The following PHF14 variants were observed in gnomAD, a reference collection of about 807,000 sequenced individuals.
PHF14 encodes the protein PHD finger protein 14.
A neutral mutation model predicts 117.9 loss-of-function variants in PHF14; 55 were observed. That is an observed-to-expected ratio of 0.47 (90% CI 0.38 to 0.58). PHF14 has a LOEUF of 0.58. Among genes scored for constraint, PHF14 ranks in the 20% least tolerant of loss-of-function variants. PHF14 has a pLI of 0.00. For synonymous variants in PHF14, 409 were observed against 368.6 expected (o/e 1.11, Z -1.26); for missense variants, 978 against 1,122.2 (o/e 0.87, Z 1.84).
At chr7:11,011,472 A>C (rs1401853433) in intron 4 of PHF14, among the ~76,000 whole-genome samples, 1 of 152,196 alleles carries the variant, frequency 6.6e-6, no homozygotes. Context: ...GGCTTATTTA[A>C]TGTCATCAGT....
intron 17 of PHF14, among the ~76,000 whole-genome samples, chr7:11,158,626 G>C (rs757413479): frequency 7.2e-5 from 11 of 151,898 alleles, no homozygotes; most frequent in Admixed American, 2.0e-4. Flanking sequence ...TTTAAAATCT[G>C]GTGAAGAAAC....
intron 4 of PHF14, among the ~76,000 whole-genome samples, chr7:11,011,015 A>G (rs73678559): frequency 0.02 from 3,098 of 152,316 alleles, 121 homozygotes; most frequent in African/African-American, 0.071. Flanking sequence ...AAGGATAACA[A>G]TTAAACAGTT....
chr7:11,074,121 C>T (rs1427665644), intron 16 of PHF14, among the ~76,000 whole-genome samples: 2 of 152,170 alleles, frequency 1.3e-5, no homozygotes, highest in Admixed American at 6.5e-5. Flanking sequence ...TCATTTGTCT[C>T]TTTTTTAGTC....
intron 17 of PHF14, among the ~76,000 whole-genome samples, chr7:11,165,376 T>C (rs1316679288): frequency 6.6e-6 from 1 of 152,200 alleles, no homozygotes; most frequent in Non-Finnish European, 1.5e-5. Flanking sequence ...GGTGTTAATA[T>C]ATATTATTGG....
chr7:11,108,720 A>T (rs1343911335), intron 16 of PHF14: 1 of 151,742 alleles, frequency 6.6e-6, no homozygotes, highest in Non-Finnish European at 1.5e-5. Flanking sequence ...AGTAGTTGAA[A>T]TCAGCAACAG....
At chr7:11,038,991 GA>G in intron 11 of PHF14, 136 bp downstream of exon 11, 1 of 419,212 alleles carries the variant, frequency 2.4e-6, no homozygotes, top group Non-Finnish European at 4.3e-6. Flanking sequence ...TTGGGATAAT[GA>G]TTTCTGCTTG....
intron 17 of PHF14, among the ~76,000 whole-genome samples, chr7:11,140,756 A>T (rs952656097): frequency 1.3e-5 from 2 of 152,156 alleles, no homozygotes; most frequent in African/African-American, 2.4e-5. Flanking sequence ...ACTATTTATG[A>T]TAAAATAAAG....
chr7:11,053,540 G>T (rs1784915201), intron 14 of PHF14, among the ~76,000 whole-genome samples: 1 of 151,910 alleles, frequency 6.6e-6, no homozygotes. Flanking sequence ...TTATTCTTAA[G>T]ATCTTAGAGA....
At chr7:11,032,641 G>C (rs1020346261) in intron 7 of PHF14, among the ~76,000 whole-genome samples, 2 of 152,132 alleles carry the variant, frequency 1.3e-5, no homozygotes, top group Non-Finnish European at 2.9e-5. Context: ...TTTAGATGGG[G>C]CATTCCAGTT....
intron 16 of PHF14, among the ~76,000 whole-genome samples, chr7:11,067,391 C>T (rs1229906793): frequency 6.6e-6 from 1 of 152,122 alleles, no homozygotes; most frequent in Admixed American, 6.5e-5. Context: ...TGTGCAGCTA[C>T]TAGGGAAAAC....
intron 5 of PHF14, 56 bp from the exon 6 acceptor site, chr7:11,022,812 G>A (rs1783781114): frequency 1.1e-6 from 1 of 950,518 alleles, no homozygotes; most frequent in African/African-American, 1.6e-5. Flanking sequence ...TGTTTGTTTT[G>A]TGTGTGGGAA....
In PHF14 at chr7:11,036,966, C is replaced by T. The variant is rs770518271; in HGVS notation, c.1874-19C>T. 24 of 1,442,220 alleles carry T rather than the reference C, an allele frequency of 1.7e-5. No individual in the cohort carries two copies. The South Asian group carries it at 1.7e-4, about 10-fold the overall frequency. The allele number at this position is 1,442,220 out of a possible 1,614,324, so 89.3% of individuals were successfully genotyped here. ...TTTTACTTCCTACTAAAGTAAAATT[C>T]GATATTTCATTTAAATAGAGAGAAA... On this transcript the variant is annotated intron_variant, in intron 9 of 17. Coordinates refer to ENST00000634607, the MANE Select transcript of PHF14 (RefSeq NM_001007157.2).
chr7:11,035,874 C>A, intron 8 of PHF14, 88 bp downstream of exon 8: 4 of 970,698 alleles, frequency 4.1e-6, no homozygotes, highest in East Asian at 5.0e-5. Context: ...TGACATGTGA[C>A]GTATAATAGG....
intron 4 of PHF14, among the ~76,000 whole-genome samples, chr7:10,999,135 G>A (rs890580506): frequency 4.6e-5 from 7 of 152,138 alleles, no homozygotes; most frequent in Admixed American, 4.6e-4. Flanking sequence ...TCAGCTTCCT[G>A]AGTAGCTGTG....
intron 16 of PHF14, among the ~76,000 whole-genome samples, chr7:11,075,653 T>G (rs1785819754): frequency 7.2e-6 from 1 of 139,586 alleles, no homozygotes; most frequent in Non-Finnish European, 1.5e-5. Flanking sequence ...CAGGCGCACC[T>G]CCAACACTGG....
Position 11,044,592 on chromosome 7 carries a change from T to C in PHF14, c.2312+1778T>C, listed in dbSNP as rs553982424. On this transcript the variant is annotated intron_variant, in intron 13 of 17. Transcript: ENST00000634607. ...GAGTGTGCAAGATTCAGAGAATTGT[T>C]TTTTCTTTAGTGTACCTCAAATGTG... Among the ~76,000 whole-genome samples the C allele has an allele frequency of 3.3e-5, 5 of 152,290 alleles. No individual in the cohort carries two copies. The South Asian group carries it at 6.2e-4, about 19-fold the overall frequency.
chr7:11,158,104 A>C (rs930124516), intron 17 of PHF14, among the ~76,000 whole-genome samples: 1 of 152,134 alleles, frequency 6.6e-6, no homozygotes, highest in Non-Finnish European at 1.5e-5. Flanking sequence ...CAATACTGTT[A>C]AATAAACTGT....
At chr7:10,991,363 A>G (rs187296345) in intron 4 of PHF14, among the ~76,000 whole-genome samples, 157 of 152,182 alleles carry the variant, frequency 1.0e-3, no homozygotes, top group African/African-American at 3.5e-3. Context: ...TTTTTAGTAG[A>G]GATGGAGTTT....
chr7:11,075,007 C>T (rs189705898), intron 16 of PHF14, among the ~76,000 whole-genome samples: 29 of 144,028 alleles, frequency 2.0e-4, no homozygotes, highest in Admixed American at 1.9e-3. Context: ...GCATGATTTT[C>T]GTTTACTGCA....
Sources: allele counts gnomAD v4.1 joint callset (sites outside exome capture counted in the v4.1 genomes callset), GRCh38; gene constraint gnomAD v4.1.1; transcripts MANE v1.5; gene names NCBI Gene and HGNC (gene_info 2026-07-23, HGNC 2026-07-21).